The following JMJD1C variants were observed in gnomAD, a reference collection of about 807,000 sequenced individuals.
JMJD1C encodes the protein jumonji domain containing 1C, also known as jumonji domain-containing protein 1C.
A neutral mutation model predicts 245.3 loss-of-function variants in JMJD1C; 31 were observed. The ratio of observed to expected loss-of-function variants is 0.13; its 90% CI spans 0.09 to 0.17. The LOEUF is 0.17. JMJD1C is among the 10% of genes least tolerant of loss of function. The probability of loss-of-function intolerance (pLI) is 1.00; values close to 1 mark genes in which losing one functional copy is unlikely to be tolerated. For missense variants in JMJD1C, 2,691 were observed against 3,000.2 expected, an observed-to-expected ratio of 0.90 and a Z score of 2.41; for synonymous variants, 1,057 against 1,017.4, an observed-to-expected ratio of 1.04 and a Z score of -0.74.
chr10:63,470,397 A>G (rs1953453330), upstream of JMJD1C, among the ~76,000 whole-genome samples: 1 of 152,210 alleles, frequency 6.6e-6, no homozygotes, highest in African/African-American at 2.4e-5. Flanking sequence ...CATCACCTTC[A>G]AAATAATGTC....
At position 63,208,107 on chromosome 10, in the gene JMJD1C, G is replaced by A. The variant is rs1846873098; in HGVS notation, c.3562C>T (p.His1188Tyr). The A allele has an allele frequency of 6.2e-7, 1 of 1,614,012 alleles. No individual in the cohort carries two copies. Among genetic ancestry groups the A allele is most frequent in the Non-Finnish European group, 8.5e-7 (1 of 1,180,008 alleles). Residue 1188 changes from histidine (H) to tyrosine (Y), a missense_variant, in exon 10 of 26, where the codon CAT becomes TAT. His to Tyr is a moderately conservative substitution (Grantham distance 83). This residue lies in a region of JMJD1C where 1,562 missense variants were observed against 1,490.7 expected (regional missense o/e 1.05). Coordinates refer to ENST00000399262, the MANE Select transcript of JMJD1C (RefSeq NM_032776.3). Reference protein sequence around the residue: ...TFRNDCRSPTHLTVSSTNTLR... With the variant: ...TFRNDCRSPTYLTVSSTNTLR... ...GTATTTGTAGAAGAAACTGTCAAATGGGTAGGACTCCTACAATCATTTCTG... is the reference window on the plus strand; with the variant it reads ...GTATTTGTAGAAGAAACTGTCAAATAGGTAGGACTCCTACAATCATTTCTG...
intron 2 of JMJD1C, among the ~76,000 whole-genome samples, chr10:63,344,196 T>C (rs755011689): frequency 1.6e-4 from 24 of 152,230 alleles, no homozygotes; most frequent in Non-Finnish European, 2.9e-4. Flanking sequence ...GCTCCATTCA[T>C]GGTAAGTAAC....
intron 1 of JMJD1C, among the ~76,000 whole-genome samples, chr10:63,412,584 C>T (rs1366559221): frequency 6.6e-6 from 1 of 152,082 alleles, no homozygotes; most frequent in Admixed American, 6.5e-5. Flanking sequence ...ACAGCATGTA[C>T]TAAAGTTAAT....
At chr10:63,240,312 T>C (rs1264612481) in intron 3 of JMJD1C, among the ~76,000 whole-genome samples, 2 of 152,028 alleles carry the variant, frequency 1.3e-5, no homozygotes, top group African/African-American at 2.4e-5. Context: ...CTAAATCTTC[T>C]ACAGAGAGAA....
At chr10:63,268,060 TTA>T (rs1855830493) in intron 2 of JMJD1C, among the ~76,000 whole-genome samples, 2 of 151,928 alleles carry the variant, frequency 1.3e-5, no homozygotes, top group Non-Finnish European at 2.9e-5. Flanking sequence ...TTCAAGGAGC[TTA>T]TGTCTGCAGT....
chr10:63,305,349 G>A (rs1359039344), intron 2 of JMJD1C, among the ~76,000 whole-genome samples: 1 of 136,984 alleles, frequency 7.3e-6, no homozygotes, highest in East Asian at 2.3e-4. Flanking sequence ...GCCTGGCGAC[G>A]GAGCAAGACT....
chr10:63,403,687 C>T (rs1948997077), intron 1 of JMJD1C, among the ~76,000 whole-genome samples: 1 of 152,190 alleles, frequency 6.6e-6, no homozygotes, highest in Admixed American at 6.5e-5. Context: ...ACCTGTAATC[C>T]CACCACTTTG....
intron 3 of JMJD1C, among the ~76,000 whole-genome samples, chr10:63,234,158 T>C (rs188023624): frequency 6.6e-6 from 1 of 152,230 alleles, no homozygotes; most frequent in Admixed American, 6.5e-5. Context: ...ACTTAATCAC[T>C]TGAGATCCAG....
chr10:63,459,736 A>T (rs942888758), intron 1 of JMJD1C, among the ~76,000 whole-genome samples: 1 of 152,214 alleles, frequency 6.6e-6, no homozygotes, highest in African/African-American at 2.4e-5. Flanking sequence ...ATTCAAAAAG[A>T]GTGGAATGAA....
chr10:63,282,678 G>A (rs1015294323), intron 2 of JMJD1C, among the ~76,000 whole-genome samples: 8 of 152,080 alleles, frequency 5.3e-5, no homozygotes, highest in Admixed American at 2.6e-4. Context: ...ATAAAATTTC[G>A]ATAACATTTC....
intron 2 of JMJD1C, among the ~76,000 whole-genome samples, chr10:63,378,653 T>C (rs1328492610): frequency 6.6e-6 from 1 of 152,220 alleles, no homozygotes; most frequent in African/African-American, 2.4e-5. Flanking sequence ...CTGATACTGA[T>C]GTATAGTTTT....
chr10:63,507,630 G>GT (rs970779727), intron 1 of JMJD1C, among the ~76,000 whole-genome samples: 4 of 71,648 alleles, frequency 5.6e-5, no homozygotes, highest in African/African-American at 3.9e-4. Flanking sequence ...GGGCAACAGA[G>GT]TAAGACTCTG....
chr10:63,222,665 G>C (rs1188111818), intron 3 of JMJD1C: 3 of 1,534,144 alleles, frequency 2.0e-6, no homozygotes, highest in Non-Finnish European at 2.7e-6. Flanking sequence ...GTGTGTAGAG[G>C]GAGTGGTGCA....
At chr10:63,246,864 AACTT>A (rs2133575608) in intron 3 of JMJD1C, among the ~76,000 whole-genome samples, 1 of 152,228 alleles carries the variant, frequency 6.6e-6, no homozygotes, top group Admixed American at 6.5e-5. Flanking sequence ...TCAATAAAGA[AACTT>A]AATTAAATTT....
chr10:63,267,348 T>C (rs1386617876), intron 2 of JMJD1C, among the ~76,000 whole-genome samples: 1 of 152,248 alleles, frequency 6.6e-6, no homozygotes, highest in Non-Finnish European at 1.5e-5. Context: ...ATGTTAAGTA[T>C]TGCTAATTTT....
At chr10:63,232,541 G>T (rs1490852976) in intron 3 of JMJD1C, among the ~76,000 whole-genome samples, 1 of 152,018 alleles carries the variant, frequency 6.6e-6, no homozygotes, top group African/African-American at 2.4e-5. Context: ...AAATTCCATA[G>T]TCCTAAGAAA....
chr10:63,471,106 C>A (rs1953479933), intron 1 of JMJD1C, among the ~76,000 whole-genome samples: 2 of 152,122 alleles, frequency 1.3e-5, no homozygotes. Context: ...TATTAACTAC[C>A]ATTAAAATAT....
Position 63,296,412 on chromosome 10 carries a change from A to G in JMJD1C, c.334-31648T>C, listed in dbSNP as rs1859439362. Among the ~76,000 whole-genome samples the G allele has an allele frequency of 3.3e-5, 5 of 152,158 alleles. No homozygotes were observed. The South Asian group carries it at 1.0e-3, about 32-fold the overall frequency. The stretch of plus-strand genomic sequence containing the variant: ...ATGTATTTTCCACAAAAGGCATATC[A>G]TCACAGCCTTCTTGCCCTTAAAAAA... On this transcript the variant is annotated intron_variant, in intron 2 of 25. Coordinates refer to ENST00000399262, the MANE Select transcript of JMJD1C (RefSeq NM_032776.3).
At chr10:63,421,420 G>GT (rs1950119466) in intron 1 of JMJD1C, among the ~76,000 whole-genome samples, 1 of 152,196 alleles carries the variant, frequency 6.6e-6, no homozygotes, top group Non-Finnish European at 1.5e-5. Context: ...TTATCTCTAG[G>GT]TAGAAGAAGA....
Sources: allele counts gnomAD v4.1 joint callset (sites outside exome capture counted in the v4.1 genomes callset), GRCh38; gene constraint gnomAD v4.1.1; regional missense constraint gnomAD v4.1.1; transcripts MANE v1.5; gene names NCBI Gene and HGNC (gene_info 2026-07-23, HGNC 2026-07-21).